EFR3A: variants seen among roughly 807,000 people sequenced by gnomAD.
EFR3A encodes the protein EFR3 homolog A.
EFR3A carries 76 observed loss-of-function variants against 104.4 expected under a neutral mutation model. That is an observed-to-expected ratio of 0.73 (90% confidence interval 0.60 to 0.88). The LOEUF is 0.88. Ranked by LOEUF, EFR3A falls within the 40% of genes least tolerant of loss-of-function variation. The pLI is 0.00. For synonymous variants in EFR3A, 330 were observed against 330.0 expected (o/e 1.00, Z 0.00); for missense variants, 985 against 1,012.5 (o/e 0.97, Z 0.37).
At position 131,950,006 on chromosome 8, in the gene EFR3A, C is replaced by A; in HGVS notation, c.404C>A (p.Ser135Tyr). 6.2e-7 allele frequency: 1 copy of A among 1,603,942 alleles called. No individual in the cohort carries two copies. Reference sequence around the variant, plus strand: ...GCAAATATTGAAGAAGACACACCATCCTATCACAGACGTTATGACTTTTTT... The same window carrying A: ...GCAAATATTGAAGAAGACACACCATACTATCACAGACGTTATGACTTTTTT... Reference protein sequence around the residue: ...KFANIEEDTPSYHRRYDFFVS... With the variant: ...KFANIEEDTPYYHRRYDFFVS... The change falls in exon 5 of 23, where the codon TCC (serine) becomes TAC (tyrosine). Residue 135 changes from serine to tyrosine, a missense_variant. Physicochemically the swap from Ser to Tyr is moderately radical, Grantham distance 144. Coordinates refer to ENST00000254624, the MANE Select transcript of EFR3A (RefSeq NM_015137.6).
In EFR3A at chr8:132,004,135, C is replaced by T. The variant is rs560459534; in HGVS notation, c.2360+850C>T. On this transcript the variant is annotated intron_variant, in intron 22 of 22. Transcript: ENST00000254624. ...CACATTTTTGTCATTATATATCTTA[C>T]TCTAGACATTTCCCTCCCATTCCTG... Among the ~76,000 whole-genome samples, 281 of 152,248 alleles carry T rather than the reference C, an allele frequency of 1.8e-3. 2 individuals are homozygous for T. Among genetic ancestry groups the T allele is most frequent in the African/African-American group, 6.6e-3 (273 of 41,536 alleles).
At chr8:131,920,447 G>A (rs1023474382) in intron 1 of EFR3A, among the ~76,000 whole-genome samples, 5 of 152,050 alleles carry the variant, frequency 3.3e-5, no homozygotes, top group Admixed American at 3.3e-4. Context: ...ACATGTTCTT[G>A]TATTCTTAGG....
At chr8:131,998,287 A>C (rs1459199984) in intron 19 of EFR3A, among the ~76,000 whole-genome samples, 2 of 152,096 alleles carry the variant, frequency 1.3e-5, no homozygotes, top group African/African-American at 4.8e-5. Flanking sequence ...GCAGAATATC[A>C]AACTATTTTC....
intron 19 of EFR3A, among the ~76,000 whole-genome samples, 175 bp downstream of exon 19, chr8:131,996,672 T>C (rs1474046039): frequency 2.0e-5 from 3 of 152,118 alleles, no homozygotes; most frequent in Non-Finnish European, 4.4e-5. Context: ...ATAATTTATT[T>C]TACTGAACTC....
intron 4 of EFR3A, among the ~76,000 whole-genome samples, chr8:131,948,911 C>T (rs1383586951): frequency 6.6e-6 from 1 of 152,070 alleles, no homozygotes; most frequent in Non-Finnish European, 1.5e-5. Flanking sequence ...AATTTGTTGA[C>T]ATTTTCCTCT....
intron 22 of EFR3A, among the ~76,000 whole-genome samples, chr8:132,005,817 C>A (rs1415896531): frequency 6.6e-6 from 1 of 152,112 alleles, no homozygotes; most frequent in Non-Finnish European, 1.5e-5. Flanking sequence ...AATATAGATT[C>A]TTTTGAAGTG....
intron 5 of EFR3A, among the ~76,000 whole-genome samples, chr8:131,950,745 A>C (rs1412002617): frequency 6.6e-6 from 1 of 152,176 alleles, no homozygotes; most frequent in Non-Finnish European, 1.5e-5. Context: ...TTTTTGAGTG[A>C]ATAAGTAGAT....
In EFR3A at chr8:132,011,035, T is replaced by TA; in HGVS notation, c.*141dup. The TA allele has an allele frequency of 1.5e-6, 2 of 1,300,510 alleles. No homozygotes were observed. Among genetic ancestry groups the TA allele is most frequent in the Non-Finnish European group, 2.0e-6 (2 of 1,015,990 alleles). The allele number at this position is 1,300,510 out of a possible 1,614,324, so 80.6% of individuals were successfully genotyped here. Reference sequence around the variant, plus strand: ...CATATCTTTAACCAAATGTTTGGCATACCATATTAGAAGTTTTGGAGCTAT... The same window carrying TA: ...CATATCTTTAACCAAATGTTTGGCATAACCATATTAGAAGTTTTGGAGCTAT... On this transcript the variant is annotated 3_prime_UTR_variant, in exon 23 of 23. Transcript: ENST00000254624.
intron 12 of EFR3A, 63 bp from the exon 13 acceptor site, chr8:131,978,784 A>T: frequency 1.6e-6 from 2 of 1,244,040 alleles, no homozygotes; most frequent in Non-Finnish European, 1.1e-6. Context: ...ATAAAAGAAT[A>T]TGAGAATTTT....
At chr8:131,962,061 A>G (rs56905042) in intron 8 of EFR3A, among the ~76,000 whole-genome samples, 40,537 of 152,016 alleles carry the variant, frequency 0.27, 6,179 homozygotes, top group East Asian at 0.49. Context: ...TGAAGGAAGC[A>G]CTAAACATGG....
intron 8 of EFR3A, among the ~76,000 whole-genome samples, chr8:131,962,335 CAT>C (rs1360298754): frequency 5.9e-5 from 9 of 151,546 alleles, no homozygotes; most frequent in Admixed American, 5.9e-4. Flanking sequence ...CAGAGACACA[CAT>C]AGGCTCAAAA....
At position 132,001,768 on chromosome 8, in the gene EFR3A, A is replaced by C. The variant is rs144169052; in HGVS notation, c.2167A>C (p.Thr723Pro). The part of the protein sequence containing the change: ...NVPSDDVVSN[T>P]EEITFEALKK... The stretch of plus-strand genomic sequence containing the variant: ...TATCACTTTTCTCTAGGTTAGTAAC[A>C]CTGAAGAAATCACTTTTGAAGCATT... Residue 723 changes from threonine (T) to proline (P), a missense_variant, in exon 20 of 23, where the codon ACT (threonine) becomes CCT (proline). By Grantham distance (38) the Thr-to-Pro change is conservative (BLOSUM62 -1). Transcript: ENST00000254624. The C allele has an allele frequency of 6.2e-7, 1 of 1,613,230 alleles. No homozygotes were observed. Among genetic ancestry groups the C allele is most frequent in the African/African-American group, 1.3e-5 (1 of 74,902 alleles).
intron 1 of EFR3A, among the ~76,000 whole-genome samples, chr8:131,911,757 G>C (rs1344611634): frequency 1.3e-5 from 2 of 152,176 alleles, no homozygotes; most frequent in Non-Finnish European, 2.9e-5. Context: ...AAATACGAAT[G>C]ATCTAATGTT....
chr8:131,950,110 A>G lies in EFR3A; in HGVS notation c.488+20A>G, dbSNP rs758422499. On this transcript the variant is annotated intron_variant, in intron 5 of 22. Coordinates refer to ENST00000254624, the MANE Select transcript of EFR3A (RefSeq NM_015137.6). The stretch of plus-strand genomic sequence containing the variant: ...AACAGAGTATGTATTATTTTACTTT[A>G]TGATCTATAGTAAGTAATTTAGAGA... 5.1e-6 allele frequency: 8 copies of G among 1,580,692 alleles called. No individual in the cohort carries two copies. The highest frequency in any genetic ancestry group is 3.4e-5 in the South Asian group (3 of 87,060).
At chr8:132,000,608 T>C (rs1425959714) in intron 19 of EFR3A, 1 of 152,236 alleles carries the variant, frequency 6.6e-6, no homozygotes, top group Non-Finnish European at 1.5e-5. Context: ...TCTCCCATGT[T>C]CTTTTTCCTC....
chr8:131,906,436 A>C lies in EFR3A; in HGVS notation c.10+2114A>C, dbSNP rs528652937. On this transcript the variant is annotated intron_variant, in intron 1 of 22. Coordinates refer to ENST00000254624, the MANE Select transcript of EFR3A (RefSeq NM_015137.6). ...ATCCGTACGAGTTTTAATTAAAATCAAAGGGTTGGAGGTGATCACTGTGGT... is the reference window on the plus strand; with the variant it reads ...ATCCGTACGAGTTTTAATTAAAATCCAAGGGTTGGAGGTGATCACTGTGGT... Among the ~76,000 whole-genome samples the C allele has an allele frequency of 3.3e-5, 5 of 152,330 alleles. No homozygotes were observed. The East Asian group carries it at 9.6e-4, about 29-fold the overall frequency.
rs981493532 is a variant in EFR3A at position 131,904,152 on chromosome 8, G to C, written c.-161G>C. ...GGCGGTAGCTGTCGCCCGCTTGGTT[G>C]CGTGACCGCGGGGTCCGCGTCCGCT... On this transcript the variant is annotated 5_prime_UTR_variant, in exon 1 of 23. Transcript: ENST00000254624. 7 of 827,762 alleles carry C rather than the reference G, an allele frequency of 8.5e-6. No homozygotes were observed. Among genetic ancestry groups the C allele is most frequent in the Non-Finnish European group, 1.1e-5 (7 of 621,792 alleles). 51.3% of individuals were successfully genotyped at this position (827,762 alleles called of 1,614,324 possible).
chr8:131,917,623 G>A (rs1232583310), intron 1 of EFR3A, among the ~76,000 whole-genome samples: 1 of 152,176 alleles, frequency 6.6e-6, no homozygotes, highest in Non-Finnish European at 1.5e-5. Context: ...TTAAGTATTT[G>A]CATAGAGGTG....
At chr8:132,003,185 T>C (rs1356122664) in intron 21 of EFR3A, 51 bp from the exon 22 acceptor site, 1 of 1,383,798 alleles carries the variant, frequency 7.2e-7, no homozygotes, top group African/African-American at 1.4e-5. Flanking sequence ...TATTATTATA[T>C]ATAGATACCT....
Sources: gnomAD v4.1 joint callset for allele counts (sites outside exome capture counted in the v4.1 genomes callset) on GRCh38, gnomAD v4.1.1 for gene constraint, MANE v1.5 for transcripts, NCBI Gene and HGNC (gene_info 2026-07-23, HGNC 2026-07-21) for gene names.